The following MGAT4C variants were observed in gnomAD, a reference collection of about 807,000 sequenced individuals.
MGAT4C encodes MGAT4 family member C.
A neutral mutation model predicts 40.1 loss-of-function variants in MGAT4C; 19 were observed. That is an observed-to-expected ratio of 0.47 (90% CI 0.33 to 0.70). The LOEUF (loss-of-function observed/expected upper bound fraction) is 0.70, where lower values mean the gene tolerates loss of function less well. MGAT4C is among the 30% of genes least tolerant of loss of function. The pLI, the probability that MGAT4C is intolerant of heterozygous loss-of-function variation, is 0.02. For synonymous variants in MGAT4C, 181 were observed against 187.1 expected (o/e 0.97, Z 0.27); for missense variants, 491 against 563.2 (o/e 0.87, Z 1.30).
intron 2 of MGAT4C, among the ~76,000 whole-genome samples, chr12:86,543,797 A>G (rs1959179871): frequency 6.9e-6 from 1 of 144,004 alleles, no homozygotes. Flanking sequence ...TATTTTCTAC[A>G]ATTCTGTGGA....
intron 2 of MGAT4C, among the ~76,000 whole-genome samples, chr12:86,721,160 G>A (rs1950729835): frequency 6.6e-6 from 1 of 152,142 alleles, no homozygotes; most frequent in African/African-American, 2.4e-5. Flanking sequence ...GAAATAATCA[G>A]TTTTGCCCCA....
At chr12:86,493,767 T>A (rs1958183286) in intron 2 of MGAT4C, among the ~76,000 whole-genome samples, 1 of 151,988 alleles carries the variant, frequency 6.6e-6, no homozygotes, top group Non-Finnish European at 1.5e-5. Context: ...TTGCACATTG[T>A]GCACATGTAC....
At position 85,968,523 on chromosome 12, in the gene MGAT4C, A is replaced by G. The variant is rs1274412034; in HGVS notation, c.*10766T>C. The stretch of plus-strand genomic sequence containing the variant: ...ACTGGAACTTTTATTTTTCAGTACA[A>G]CAATAATAGTATTGAAATACCTAAA... On this transcript the variant is annotated 3_prime_UTR_variant, in exon 5 of 5. Coordinates refer to ENST00000611864, the MANE Select transcript of MGAT4C (RefSeq NM_001351288.2). 6.6e-6 allele frequency: 1 copy of G among 151,994 alleles called. No individual in the cohort carries two copies. Among genetic ancestry groups the G allele is most frequent in the Non-Finnish European group, 1.5e-5 (1 of 67,910 alleles). 9.4% of individuals were successfully genotyped at this position (151,994 alleles called of 1,614,324 possible).
chr12:86,643,967 C>T (rs1332896150), intron 2 of MGAT4C, among the ~76,000 whole-genome samples: 4 of 151,528 alleles, frequency 2.6e-5, no homozygotes, highest in South Asian at 2.1e-4. Context: ...AAATTTAATA[C>T]ATTATAGGTG....
intron 2 of MGAT4C, among the ~76,000 whole-genome samples, chr12:86,711,956 C>A (rs951135381): frequency 6.6e-6 from 1 of 152,080 alleles, no homozygotes; most frequent in Non-Finnish European, 1.5e-5. Flanking sequence ...ATCTGTCCTG[C>A]CCTGGGAGCA....
chr12:86,471,977 T>C (rs1221642541), intron 2 of MGAT4C, among the ~76,000 whole-genome samples: 2 of 152,144 alleles, frequency 1.3e-5, no homozygotes, highest in African/African-American at 4.8e-5. Flanking sequence ...TTGGTACATG[T>C]TATTTCTTTT....
chr12:86,619,542 C>T (rs1024587177), intron 2 of MGAT4C, among the ~76,000 whole-genome samples: 4 of 152,134 alleles, frequency 2.6e-5, no homozygotes, highest in Non-Finnish European at 5.9e-5. Context: ...TATTATTTTC[C>T]TTTCTCCTGA....
chr12:86,215,364 T>A (rs1001923466), intron 1 of MGAT4C, among the ~76,000 whole-genome samples: 2 of 152,220 alleles, frequency 1.3e-5, no homozygotes, highest in African/African-American at 4.8e-5. Context: ...AATTTTCATG[T>A]TGTTTTAAAG....
chr12:86,421,956 C>T (rs1372800182), intron 3 of MGAT4C, among the ~76,000 whole-genome samples: 1 of 152,094 alleles, frequency 6.6e-6, no homozygotes, highest in African/African-American at 2.4e-5. Context: ...AAGAGTTATT[C>T]TCAATTACTT....
intron 1 of MGAT4C, among the ~76,000 whole-genome samples, chr12:86,248,306 A>G (rs999718742): frequency 1.3e-5 from 2 of 151,632 alleles, no homozygotes; most frequent in Non-Finnish European, 1.5e-5. Context: ...TTGCTAGGCC[A>G]TAGGTATTCA....
At chr12:86,472,342 G>C (rs956720628) in intron 2 of MGAT4C, among the ~76,000 whole-genome samples, 1 of 152,100 alleles carries the variant, frequency 6.6e-6, no homozygotes, top group Non-Finnish European at 1.5e-5. Context: ...TTTGCTAAAG[G>C]GAAGTGCCTA....
intron 1 of MGAT4C, among the ~76,000 whole-genome samples, chr12:86,239,231 C>T (rs973148069): frequency 2.0e-5 from 3 of 151,980 alleles, no homozygotes; most frequent in East Asian, 3.9e-4. Context: ...AAAGTCATCA[C>T]TTTTGGATGT....
At chr12:86,275,944 CAAAAAAAAAAAAA>C (rs748476574) in intron 4 of MGAT4C, among the ~76,000 whole-genome samples, 3 of 69,190 alleles carry the variant, frequency 4.3e-5, no homozygotes, top group East Asian at 3.8e-4. Flanking sequence ...ACTAAAAATC[CAAAAAAAAAAAAA>C]AAAAAAAAAA....
intron 1 of MGAT4C, among the ~76,000 whole-genome samples, chr12:86,120,783 T>C (rs897650362): frequency 5.2e-4 from 79 of 152,212 alleles, no homozygotes; most frequent in African/African-American, 1.8e-3. Flanking sequence ...ACCACAAAGA[T>C]GGGGAGAAAC....
chr12:86,123,130 C>A (rs1220725159), intron 1 of MGAT4C, among the ~76,000 whole-genome samples: 1 of 152,164 alleles, frequency 6.6e-6, no homozygotes, highest in Non-Finnish European at 1.5e-5. Context: ...CCAGAAATTA[C>A]TTTCCAGTGG....
intron 2 of MGAT4C, among the ~76,000 whole-genome samples, chr12:86,712,853 C>T (rs1950581560): frequency 6.6e-6 from 1 of 152,020 alleles, no homozygotes; most frequent in Admixed American, 6.6e-5. Flanking sequence ...ATTTTTCCAC[C>T]ACCCAATACC....
chr12:86,277,522 G>C (rs1953105840), intron 4 of MGAT4C, among the ~76,000 whole-genome samples: 1 of 152,124 alleles, frequency 6.6e-6, no homozygotes, highest in Non-Finnish European at 1.5e-5. Context: ...CCTTTTCATA[G>C]TTTGAGGTTT....
chr12:86,394,737 A>G (rs1956225125), intron 3 of MGAT4C, among the ~76,000 whole-genome samples: 1 of 149,988 alleles, frequency 6.7e-6, no homozygotes, highest in African/African-American at 2.5e-5. Flanking sequence ...CTCCTGCCTC[A>G]GCCTCCTGAG....
intron 1 of MGAT4C, among the ~76,000 whole-genome samples, chr12:86,789,937 GAATTTGGGTTCCATCAGA>G (rs1951995574): frequency 6.6e-6 from 1 of 152,092 alleles, no homozygotes; most frequent in Non-Finnish European, 1.5e-5. Context: ...TTAAGTTGCA[GAATTTGGGTTCCATCAGA>G]AATTATCTGG....
Sources: gnomAD v4.1 joint callset for allele counts (sites outside exome capture counted in the v4.1 genomes callset) on GRCh38, gnomAD v4.1.1 for gene constraint, MANE v1.5 for transcripts, NCBI Gene and HGNC (gene_info 2026-07-23, HGNC 2026-07-21) for gene names.